Variants in PLEKHA5 observed in about 807,000 individuals in gnomAD.
PLEKHA5 encodes pleckstrin homology domain-containing family A member 5.
PLEKHA5 carries 55 observed loss-of-function variants against 181.9 expected under a neutral mutation model. That is an observed-to-expected ratio of 0.30 (90% CI 0.24 to 0.38). The LOEUF (loss-of-function observed/expected upper bound fraction) is 0.38, where lower values mean the gene tolerates loss of function less well. Among genes scored for constraint, PLEKHA5 ranks in the 10% least tolerant of loss-of-function variants. The pLI is 1.00. For synonymous variants in PLEKHA5, 535 were observed against 529.4 expected, an observed-to-expected ratio of 1.01 and a Z score of -0.15; for missense variants, 1,432 against 1,549.5, an observed-to-expected ratio of 0.92 and a Z score of 1.27.
intron 3 of PLEKHA5, among the ~76,000 whole-genome samples, chr12:19,172,035 G>A (rs1009388338): frequency 2.6e-5 from 4 of 152,140 alleles, no homozygotes; most frequent in African/African-American, 9.7e-5. Context: ...TTTACAGTTA[G>A]CTTCTTTTAA....
At chr12:19,202,045 C>A in intron 3 of PLEKHA5, 1 of 943,258 alleles carries the variant, frequency 1.1e-6, no homozygotes, top group Non-Finnish European at 1.3e-6. Context: ...CTTAATTATT[C>A]CCTTCACAGT....
intron 26 of PLEKHA5, among the ~76,000 whole-genome samples, chr12:19,354,360 A>G (rs2094799140): frequency 6.8e-6 from 1 of 146,890 alleles, no homozygotes; most frequent in Non-Finnish European, 1.5e-5. Context: ...TCACCGTGTT[A>G]GCCAGGATGG....
rs1485750353 is a variant in PLEKHA5 at position 19,336,500 on chromosome 12, A to C, written c.2449-15A>C. 2.9e-6 allele frequency: 4 copies of C among 1,359,694 alleles called. No individual in the cohort carries two copies. The African/African-American group carries it at 5.7e-5, about 20-fold the overall frequency. The allele number at this position is 1,359,694 out of a possible 1,614,324, so 84.2% of individuals were successfully genotyped here. A position where few individuals can be genotyped will look rare whatever the true frequency, so the allele number is the denominator to read the frequency against. ...CATTTTCCCCATTAAAGTAATTAAC[A>C]CTTTTTGGTTTTAGGAATTGGAACG... On this transcript the variant is annotated splice_polypyrimidine_tract_variant and intron_variant, in intron 20 of 31. Coordinates refer to ENST00000429027, the MANE Select transcript of PLEKHA5 (RefSeq NM_001256470.2).
At chr12:19,291,574 C>CA in intron 14 of PLEKHA5, 70 bp from the exon 15 acceptor site, 1 of 919,848 alleles carries the variant, frequency 1.1e-6, no homozygotes. Context: ...TTTCTTATTC[C>CA]AAAATTGACC....
chr12:19,316,253 T>G (rs942735827), intron 16 of PLEKHA5, among the ~76,000 whole-genome samples: 1 of 152,224 alleles, frequency 6.6e-6, no homozygotes, highest in African/African-American at 2.4e-5. Context: ...TTGCATATTT[T>G]AGATGAGAAT....
rs2092368836 is a variant in PLEKHA5 at position 19,327,675 on chromosome 12, C to T, written c.2448+5008C>T. 2.9e-5 allele frequency among the ~76,000 whole-genome samples: 4 copies of T among 140,234 alleles called. No individual in the cohort carries two copies. In the South Asian group the frequency reaches 9.0e-4, roughly 32 times the overall value. 92.0% of individuals were successfully genotyped at this position (140,234 alleles called of 152,430 possible). A position where few individuals can be genotyped will look rare whatever the true frequency, so the allele number is the denominator to read the frequency against. On this transcript the variant is annotated intron_variant, in intron 20 of 31. Coordinates refer to ENST00000429027, the MANE Select transcript of PLEKHA5 (RefSeq NM_001256470.2). The stretch of plus-strand genomic sequence containing the variant: ...TTTTTTTTTTTCTGAGACAGAGACT[C>T]ACTCTGTTGCCCAGGCTAGAGTGCA...
chr12:19,339,733 A>G (rs1346407325), intron 21 of PLEKHA5, among the ~76,000 whole-genome samples: 1 of 152,196 alleles, frequency 6.6e-6, no homozygotes. Flanking sequence ...TATGAATGGT[A>G]ACATTGCATA....
intron 3 of PLEKHA5, among the ~76,000 whole-genome samples, chr12:19,237,222 A>G (rs1190316083): frequency 2.6e-5 from 4 of 152,204 alleles, no homozygotes; most frequent in African/African-American, 9.6e-5. Flanking sequence ...GTTTTGTTGT[A>G]GAAATATAAG....
intron 15 of PLEKHA5, among the ~76,000 whole-genome samples, chr12:19,309,699 C>T (rs182009745): frequency 6.6e-6 from 1 of 151,688 alleles, no homozygotes; most frequent in African/African-American, 2.4e-5. Flanking sequence ...GAGCCTAGAT[C>T]GTGCCACTGC....
At chr12:19,193,822 C>T (rs1323891336) in intron 3 of PLEKHA5, among the ~76,000 whole-genome samples, 1 of 152,142 alleles carries the variant, frequency 6.6e-6, no homozygotes, top group Non-Finnish European at 1.5e-5. Flanking sequence ...CTGGCATTTA[C>T]TCTGCTTCTG....
intron 3 of PLEKHA5, among the ~76,000 whole-genome samples, chr12:19,222,877 T>C (rs541316984): frequency 2.0e-5 from 3 of 152,124 alleles, no homozygotes; most frequent in Non-Finnish European, 4.4e-5. Flanking sequence ...GCTGCCAGTT[T>C]GCTTTAATTT....
chr12:19,274,410 C>T (rs980668258), intron 10 of PLEKHA5, 106 bp from the exon 11 acceptor site: 5 of 717,142 alleles, frequency 7.0e-6, no homozygotes, highest in Non-Finnish European at 6.9e-6. Flanking sequence ...CTTTCCAGTC[C>T]CCTGGCCCCC....
chr12:19,325,347 C>T (rs2091844782), intron 20 of PLEKHA5, among the ~76,000 whole-genome samples: 1 of 152,076 alleles, frequency 6.6e-6, no homozygotes. Flanking sequence ...TGTGCCACTG[C>T]ACTCCAGCCT....
intron 3 of PLEKHA5, chr12:19,152,895 C>G (rs991139707): frequency 2.6e-5 from 4 of 152,044 alleles, no homozygotes; most frequent in Non-Finnish European, 5.9e-5. Flanking sequence ...AATTTACTCT[C>G]CTACATTGTA....
chr12:19,152,913 T>G (rs1472699110), intron 3 of PLEKHA5: 1 of 152,110 alleles, frequency 6.6e-6, no homozygotes, highest in Non-Finnish European at 1.5e-5. Flanking sequence ...GTAGCTTACC[T>G]TCACATTCCA....
intron 3 of PLEKHA5, among the ~76,000 whole-genome samples, chr12:19,211,257 A>G (rs2056840717): frequency 6.6e-6 from 1 of 152,184 alleles, no homozygotes; most frequent in South Asian, 2.1e-4. Context: ...TACTGATAAT[A>G]TTCTGATCCC....
chr12:19,287,525 C>T lies in PLEKHA5; in HGVS notation c.1832C>T (p.Ser611Phe). Residue 611 changes from serine to phenylalanine, a missense_variant, in exon 13 of 32, where the codon TCT becomes TTT. This residue lies in a region of PLEKHA5 where 1,143 missense variants were observed against 1,168.4 expected (regional missense o/e 0.98). Transcript: ENST00000429027. ...RSVPAGLTLQ[S>F]VSPQSLQGKT... ...GTGCCAGCTGGCCTGACTTTACAGT[C>T]TGTTAGTCCCCAGAGCCTCCAAGGG... is the stretch of plus-strand genomic sequence containing the variant. 1.2e-6 allele frequency: 2 copies of T among 1,607,628 alleles called. No homozygotes were observed. Among genetic ancestry groups the T allele is most frequent in the Non-Finnish European group, 8.5e-7 (1 of 1,174,820 alleles).
At chr12:19,236,926 GCTCA>G (rs1480948240) in intron 3 of PLEKHA5, 1 of 152,098 alleles carries the variant, frequency 6.6e-6, no homozygotes, top group Non-Finnish European at 1.5e-5. Context: ...TCCCCACAGT[GCTCA>G]CTGAGAACAG....
Position 19,129,796 on chromosome 12 carries a change from A to C in PLEKHA5, c.-4A>C. On this transcript the variant is annotated 5_prime_UTR_variant, in exon 1 of 32. Transcript: ENST00000429027. The stretch of plus-strand genomic sequence containing the variant: ...AAGGCGGCGGCGGCGGCTAGGGATC[A>C]GACATGGCGGCGGATCTGAACCTGG... The C allele has an allele frequency of 1.3e-6, 2 of 1,596,688 alleles. No individual in the cohort carries two copies. Among genetic ancestry groups the C allele is most frequent in the Non-Finnish European group, 1.7e-6 (2 of 1,172,108 alleles).
Sources: allele counts gnomAD v4.1 joint callset (sites outside exome capture counted in the v4.1 genomes callset), GRCh38; gene constraint gnomAD v4.1.1; regional missense constraint gnomAD v4.1.1; transcripts MANE v1.5; gene names NCBI Gene and HGNC (gene_info 2026-07-23, HGNC 2026-07-21).